The following DNAJC3 variants were observed in gnomAD, a reference collection of about 807,000 sequenced individuals.
DNAJC3 encodes DnaJ heat shock protein family (Hsp40) member C3.
DNAJC3 carries 38 observed loss-of-function variants against 68.6 expected under a neutral mutation model. That is an observed-to-expected ratio of 0.55 (90% CI 0.43 to 0.73). DNAJC3 has a LOEUF of 0.73. Ranked by LOEUF, DNAJC3 falls within the 30% of genes least tolerant of loss-of-function variation. DNAJC3 has a pLI of 0.00. For synonymous variants in DNAJC3, 203 were observed against 204.0 expected, an observed-to-expected ratio of 1.00 and a Z score of 0.04; for missense variants, 526 against 591.9, an observed-to-expected ratio of 0.89 and a Z score of 1.16.
Position 95,793,649 on chromosome 13 carries a change from A to AAAT in DNAJC3, c.*2620_*2622dup, listed in dbSNP as rs911169462. ...TGGCTAATTTTTGTATTTTTAGTAG[A>AAAT]AATGGGGTTTCACTGTGTTAGCCAG... is the stretch of plus-strand genomic sequence containing the variant. On this transcript the variant is annotated 3_prime_UTR_variant, in exon 12 of 12. Coordinates refer to ENST00000602402, the MANE Select transcript of DNAJC3 (RefSeq NM_006260.5). The AAAT allele has an allele frequency of 1.3e-5, 2 of 152,306 alleles. No homozygotes were observed. Among genetic ancestry groups the AAAT allele is most frequent in the African/African-American group, 4.8e-5 (2 of 41,352 alleles). 9.4% of individuals were successfully genotyped at this position (152,306 alleles called of 1,614,324 possible).
At chr13:95,721,627 T>A (rs1463305119) in intron 2 of DNAJC3, among the ~76,000 whole-genome samples, 2 of 151,878 alleles carry the variant, frequency 1.3e-5, no homozygotes, top group Non-Finnish European at 2.9e-5. Flanking sequence ...TGAATTGGTA[T>A]CTCAATGTGT....
chr13:95,714,412 TAAA>T (rs58381820), intron 2 of DNAJC3, among the ~76,000 whole-genome samples: 8 of 135,284 alleles, frequency 5.9e-5, no homozygotes, highest in Non-Finnish European at 8.0e-5. Context: ...CTTTTTTTCT[TAAA>T]AAAAAAAAAA....
At chr13:95,677,914 G>T (rs1208724912) in intron 1 of DNAJC3, among the ~76,000 whole-genome samples, 1 of 152,124 alleles carries the variant, frequency 6.6e-6, no homozygotes, top group Non-Finnish European at 1.5e-5. Flanking sequence ...GCCGCTGTTG[G>T]AATTCCATCT....
chr13:95,715,742 C>T (rs1273836722), intron 2 of DNAJC3, among the ~76,000 whole-genome samples: 1 of 151,924 alleles, frequency 6.6e-6, no homozygotes, highest in Non-Finnish European at 1.5e-5. Flanking sequence ...CCCCCTTGGC[C>T]TCCAAAAATG....
intron 1 of DNAJC3, among the ~76,000 whole-genome samples, chr13:95,688,090 A>G (rs777906856): frequency 6.6e-6 from 1 of 152,172 alleles, no homozygotes; most frequent in Non-Finnish European, 1.5e-5. Context: ...GAATGTTGTC[A>G]GTGTATATAA....
intron 4 of DNAJC3, among the ~76,000 whole-genome samples, chr13:95,730,643 G>T (rs1241485847): frequency 6.6e-6 from 1 of 152,116 alleles, no homozygotes; most frequent in Non-Finnish European, 1.5e-5. Context: ...TTATTTCTGG[G>T]TTCTCTAATC....
intron 1 of DNAJC3, among the ~76,000 whole-genome samples, chr13:95,688,795 C>T (rs114803842): frequency 1.6e-3 from 247 of 152,232 alleles, no homozygotes; most frequent in African/African-American, 5.5e-3. Context: ...AGCCACTGTG[C>T]TCAGCCTTTC....
chr13:95,708,406 A>G (rs1880832559), intron 1 of DNAJC3, among the ~76,000 whole-genome samples: 1 of 152,202 alleles, frequency 6.6e-6, no homozygotes, highest in Non-Finnish European at 1.5e-5. Context: ...AGCTGTAGAC[A>G]GGTCCTCTAC....
chr13:95,703,829 C>CT (rs370721861), intron 1 of DNAJC3, among the ~76,000 whole-genome samples: 2,764 of 143,302 alleles, frequency 0.019, 79 homozygotes, highest in African/African-American at 0.063. Flanking sequence ...GTTACTCTGG[C>CT]TTTTTTTTTT....
intron 4 of DNAJC3, among the ~76,000 whole-genome samples, chr13:95,757,173 T>C (rs1882686835): frequency 6.6e-6 from 1 of 152,168 alleles, no homozygotes; most frequent in Admixed American, 6.5e-5. Context: ...TTTTTTTAAA[T>C]CTTACAACCT....
intron 11 of DNAJC3, among the ~76,000 whole-genome samples, chr13:95,790,553 G>C (rs1883737474): frequency 6.6e-6 from 1 of 152,274 alleles, no homozygotes; most frequent in South Asian, 2.1e-4. Context: ...AGTTTCTCTT[G>C]AATTATTTTT....
chr13:95,749,742 G>C (rs998524910), intron 4 of DNAJC3, among the ~76,000 whole-genome samples: 15 of 151,742 alleles, frequency 9.9e-5, no homozygotes, highest in African/African-American at 4.8e-5. Context: ...ACAGCATAAA[G>C]TGCTATCTTT....
chr13:95,743,022 A>G (rs1235085917), intron 4 of DNAJC3: 2 of 370,706 alleles, frequency 5.4e-6, no homozygotes, highest in African/African-American at 4.3e-5. Context: ...TCAGCACCAT[A>G]TTTTGAAAAG....
chr13:95,682,731 T>C (rs1278380787), intron 1 of DNAJC3, among the ~76,000 whole-genome samples: 1 of 152,216 alleles, frequency 6.6e-6, no homozygotes, highest in Non-Finnish European at 1.5e-5. Context: ...AAATTACCTG[T>C]GGCTCAAAAG....
intron 2 of DNAJC3, among the ~76,000 whole-genome samples, chr13:95,721,140 T>C (rs1427723017): frequency 6.6e-6 from 1 of 152,256 alleles, no homozygotes; most frequent in Non-Finnish European, 1.5e-5. Flanking sequence ...GTACCTCATA[T>C]TAGTGAAATC....
At chr13:95,775,857 G>T (rs1566512308) in intron 9 of DNAJC3, among the ~76,000 whole-genome samples, 1 of 152,076 alleles carries the variant, frequency 6.6e-6, no homozygotes, top group Non-Finnish European at 1.5e-5. Flanking sequence ...TTTTTGGAAA[G>T]CGTCACCCCG....
chr13:95,789,905 ATTGT>A (rs1883714738), intron 11 of DNAJC3, among the ~76,000 whole-genome samples: 1 of 151,856 alleles, frequency 6.6e-6, no homozygotes, highest in Non-Finnish European at 1.5e-5. Flanking sequence ...TTTTCATATG[ATTGT>A]TGGCCGCATA....
chr13:95,786,258 G>C (rs1350614229), intron 10 of DNAJC3, among the ~76,000 whole-genome samples, 187 bp downstream of exon 10: 2 of 152,054 alleles, frequency 1.3e-5, no homozygotes, highest in Admixed American at 1.3e-4. Flanking sequence ...TTCTTTGATA[G>C]AGACCAATAA....
intron 9 of DNAJC3, among the ~76,000 whole-genome samples, chr13:95,779,341 G>A (rs17879508): frequency 3.2e-4 from 48 of 151,916 alleles, no homozygotes; most frequent in South Asian, 2.1e-4. Context: ...AGCCAGGATG[G>A]TCTCGATCTC....
Sources: allele counts gnomAD v4.1 joint callset (sites outside exome capture counted in the v4.1 genomes callset), GRCh38; gene constraint gnomAD v4.1.1; transcripts MANE v1.5; gene names NCBI Gene and HGNC (gene_info 2026-07-23, HGNC 2026-07-21).